Variants in KYNU observed in about 807,000 individuals in gnomAD.
KYNU encodes the protein L-kynurenine hydrolase.
KYNU carries 54 observed loss-of-function variants against 59.2 expected under a neutral mutation model. The observed-to-expected ratio is 0.91, with a 90% CI of 0.73 to 1.14. The LOEUF (loss-of-function observed/expected upper bound fraction) is 1.14. KYNU is among the 50% of genes most tolerant of loss of function. The pLI, the probability that KYNU is intolerant of heterozygous loss-of-function variation, is 0.00. For missense variants in KYNU, 567 were observed against 554.4 expected (o/e 1.02, Z -0.23); for synonymous variants, 177 against 192.0 (o/e 0.92, Z 0.65).
intron 11 of KYNU, among the ~76,000 whole-genome samples, chr2:143,032,711 T>TTGTGTGTGTGTGTGTGTGTGTGTG (rs61062901): frequency 0.028 from 3,686 of 129,380 alleles, 156 homozygotes; most frequent in Non-Finnish European, 0.043. Context: ...GCTCCCTCTA[T>TTGTGTGTGTGTGTGTGTGTGTGTG]TGTGTGTGTG....
chr2:142,931,076 G>C (rs1688992), intron 4 of KYNU, among the ~76,000 whole-genome samples: 1 of 152,166 alleles, frequency 6.6e-6, no homozygotes, highest in African/African-American at 2.4e-5. Flanking sequence ...TCAGGGTTAC[G>C]TGTCTTCCGG....
intron 1 of KYNU, among the ~76,000 whole-genome samples, chr2:142,883,741 C>G (rs1438523952): frequency 6.6e-6 from 1 of 152,158 alleles, no homozygotes; most frequent in African/African-American, 2.4e-5. Context: ...TTCCACACTC[C>G]AGTGACTCTG....
At chr2:142,907,433 C>T (rs1388822852) in intron 2 of KYNU, among the ~76,000 whole-genome samples, 2 of 152,216 alleles carry the variant, frequency 1.3e-5, no homozygotes, top group East Asian at 3.9e-4. Flanking sequence ...GAAATGGGTG[C>T]CTTGCTGGAT....
chr2:142,890,187 T>A (rs1034158043), intron 2 of KYNU, among the ~76,000 whole-genome samples: 1 of 151,382 alleles, frequency 6.6e-6, no homozygotes, highest in Non-Finnish European at 1.5e-5. Flanking sequence ...AAGGAAGATA[T>A]AAGAAAGAAA....
At chr2:142,907,507 A>G (rs1682340107) in intron 2 of KYNU, among the ~76,000 whole-genome samples, 1 of 152,184 alleles carries the variant, frequency 6.6e-6, no homozygotes. Flanking sequence ...ATGGTGGCAA[A>G]TAGCAGTTGT....
At chr2:143,006,624 C>G (rs1685911950) in intron 10 of KYNU, among the ~76,000 whole-genome samples, 1 of 146,220 alleles carries the variant, frequency 6.8e-6, no homozygotes, top group Non-Finnish European at 1.5e-5. Context: ...AACAAAAAGA[C>G]AGCAGTAACC....
intron 11 of KYNU, among the ~76,000 whole-genome samples, chr2:143,029,950 T>C (rs1686695345): frequency 6.6e-6 from 1 of 152,150 alleles, no homozygotes; most frequent in African/African-American, 2.4e-5. Flanking sequence ...GCCATCAACA[T>C]AGAGTGCCTG....
At chr2:143,005,571 C>A (rs1208692758) in intron 10 of KYNU, among the ~76,000 whole-genome samples, 2 of 151,922 alleles carry the variant, frequency 1.3e-5, no homozygotes, top group Non-Finnish European at 2.9e-5. Context: ...CAGAAGTATA[C>A]AAAGTTGTAT....
intron 2 of KYNU, among the ~76,000 whole-genome samples, chr2:142,893,689 T>A (rs139698046): frequency 6.6e-6 from 1 of 152,098 alleles, no homozygotes; most frequent in Non-Finnish European, 1.5e-5. Flanking sequence ...GACAGACAGA[T>A]AACAGAGGTG....
At chr2:143,012,569 A>G (rs1163444899) in intron 10 of KYNU, among the ~76,000 whole-genome samples, 1 of 151,932 alleles carries the variant, frequency 6.6e-6, no homozygotes, top group Non-Finnish European at 1.5e-5. Flanking sequence ...AATATTTTTC[A>G]TATTTTTGTT....
chr2:142,900,162 C>T (rs576573926), intron 2 of KYNU, among the ~76,000 whole-genome samples: 16 of 152,304 alleles, frequency 1.1e-4, no homozygotes, highest in African/African-American at 2.9e-4. Context: ...GGCACTTAGC[C>T]GTGCAGGAAC....
chr2:142,910,188 G>A (rs544428977), intron 2 of KYNU, among the ~76,000 whole-genome samples: 2 of 132,788 alleles, frequency 1.5e-5, no homozygotes, highest in African/African-American at 5.8e-5. Flanking sequence ...CCAGGCTGGA[G>A]TGCAGTGGTG....
rs1687209780 is a variant in KYNU, at chr2:143,048,571, A to G, written c.*6399A>G. On this transcript the variant is annotated 3_prime_UTR_variant, in exon 14 of 14. Transcript: ENST00000264170. ...GTACATATATAATTTATTACAATTC[A>G]TTTTAATGAAAAACTTTTAGTGGTA... The G allele has an allele frequency of 6.6e-6, 1 of 152,134 alleles. No individual in the cohort carries two copies. Among genetic ancestry groups the G allele is most frequent in the African/African-American group, 2.4e-5 (1 of 41,428 alleles). The allele number at this position is 152,134 out of a possible 1,614,324, so 9.4% of individuals were successfully genotyped here.
chr2:142,942,176 A>G (rs1185779519), intron 4 of KYNU, among the ~76,000 whole-genome samples: 19 of 138,224 alleles, frequency 1.4e-4, no homozygotes, highest in South Asian at 9.2e-4. Flanking sequence ...AAAAAAAAAG[A>G]AAAAAAAAAA....
chr2:142,966,312 T>G (rs1322246578), intron 8 of KYNU, among the ~76,000 whole-genome samples: 1 of 152,182 alleles, frequency 6.6e-6, no homozygotes, highest in African/African-American at 2.4e-5. Context: ...AATTCAGGTT[T>G]CCAAAAGATT....
At chr2:142,974,848 C>G (rs1684839273) in intron 8 of KYNU, among the ~76,000 whole-genome samples, 1 of 152,152 alleles carries the variant, frequency 6.6e-6, no homozygotes, top group African/African-American at 2.4e-5. Flanking sequence ...TTGCTTCTGT[C>G]CAGCCTCTTC....
chr2:143,029,692 AT>A lies in KYNU; in HGVS notation c.955+17del. ...AAGATGGATAACAGTAAGTGTATTT[AT>A]TTTACCTAATGCCATTTTTATTTTA... On this transcript the variant is annotated intron_variant, in intron 11 of 13. Transcript: ENST00000264170. 1 of 1,439,098 alleles carries A rather than the reference AT, an allele frequency of 6.9e-7. No homozygotes were observed. Among genetic ancestry groups the A allele is most frequent in the Non-Finnish European group, 9.8e-7 (1 of 1,020,274 alleles). 89.1% of individuals were successfully genotyped at this position (1,439,098 alleles called of 1,614,324 possible).
rs1250581548 is a variant in KYNU at position 143,047,168 on chromosome 2, G to A, written c.*4996G>A. On this transcript the variant is annotated 3_prime_UTR_variant, in exon 14 of 14. Coordinates refer to ENST00000264170, the MANE Select transcript of KYNU (RefSeq NM_003937.3). Reference sequence around the variant, plus strand: ...CAGTCTCAACCTCCTGGGCTCAAGTGATCCTCCCACGTCAGCCTGTGGAGT... The same window carrying A: ...CAGTCTCAACCTCCTGGGCTCAAGTAATCCTCCCACGTCAGCCTGTGGAGT... The A allele has an allele frequency of 3.9e-5, 6 of 152,008 alleles. No homozygotes were observed. In the East Asian group the frequency reaches 1.2e-3, roughly 29 times the overall value. 9.4% of individuals were successfully genotyped at this position (152,008 alleles called of 1,614,324 possible).
intron 8 of KYNU, among the ~76,000 whole-genome samples, chr2:142,979,898 ATAAAG>A (rs1261037977): frequency 1.3e-5 from 2 of 152,198 alleles, no homozygotes; most frequent in African/African-American, 4.8e-5. Flanking sequence ...AGGTGAGTCC[ATAAAG>A]TAAAGTGAAA....
Sources: gnomAD v4.1 joint callset for allele counts (sites outside exome capture counted in the v4.1 genomes callset) on GRCh38, gnomAD v4.1.1 for gene constraint, MANE v1.5 for transcripts, NCBI Gene and HGNC (gene_info 2026-07-23, HGNC 2026-07-21) for gene names.